VRK2: variants seen among roughly 807,000 people sequenced by gnomAD.
VRK2 encodes the protein serine/threonine-protein kinase VRK2.
A neutral mutation model predicts 57.6 loss-of-function variants in VRK2; 60 were observed. The observed-to-expected ratio is 1.04, with a 90% confidence interval of 0.85 to 1.29. VRK2 has a LOEUF of 1.29. Among genes scored for constraint, VRK2 ranks in the 50% most tolerant of loss-of-function variants. The probability of loss-of-function intolerance (pLI) is 0.00; values close to 1 mark genes in which losing one functional copy is unlikely to be tolerated. For missense variants in VRK2, 705 were observed against 588.1 expected, an observed-to-expected ratio of 1.20 and a Z score of -2.06; for synonymous variants, 231 against 199.2, an observed-to-expected ratio of 1.16 and a Z score of -1.35.
chr2:57,921,383 C>T (rs1307473674), intron 1 of VRK2, among the ~76,000 whole-genome samples: 2 of 151,850 alleles, frequency 1.3e-5, no homozygotes, highest in African/African-American at 4.8e-5. Flanking sequence ...CCCACCCTTG[C>T]AAAATGTATA....
upstream of VRK2, chr2:58,046,566 C>T: frequency 1.0e-6 from 1 of 985,600 alleles, no homozygotes; most frequent in Non-Finnish European, 1.2e-6. Context: ...CGCTGGCGGG[C>T]CAGGGTGGAG....
chr2:58,133,719 T>C (rs1282275367), intron 9 of VRK2, among the ~76,000 whole-genome samples: 1 of 152,174 alleles, frequency 6.6e-6, no homozygotes, highest in Admixed American at 6.5e-5. Context: ...GTGTTGCAGA[T>C]TTCAGATATT....
intron 1 of VRK2, among the ~76,000 whole-genome samples, chr2:57,934,155 G>C (rs1351048345): frequency 6.6e-6 from 1 of 152,012 alleles, no homozygotes; most frequent in African/African-American, 2.4e-5. Context: ...CATTATACTA[G>C]AGTTGGAATT....
chr2:58,041,642 CT>C (rs1246874409), upstream of VRK2, among the ~76,000 whole-genome samples: 1 of 152,188 alleles, frequency 6.6e-6, no homozygotes, highest in African/African-American at 2.4e-5. Flanking sequence ...TGGAAAAAAT[CT>C]ACATTCTGTA....
At chr2:58,137,182 C>CATATATATATATATATATCAT in intron 10 of VRK2, among the ~76,000 whole-genome samples, 9 of 35,106 alleles carry the variant, frequency 2.6e-4, no homozygotes, top group African/African-American at 1.3e-3. Flanking sequence ...TCATATATAT[C>CATATATATATATATATATCAT]ATATATGATA....
At position 58,084,766 on chromosome 2, in the gene VRK2, G is replaced by A. The variant is rs556030689; in HGVS notation, c.187-115G>A. On this transcript the variant is annotated intron_variant, in intron 3 of 12. Transcript: ENST00000340157. The stretch of plus-strand genomic sequence containing the variant: ...CTGGTGCCTATGTTTTATAAAAAGT[G>A]ATTCAAGTACTATTATATACTACAT... 69 of 607,988 alleles carry A rather than the reference G, an allele frequency of 1.1e-4. 1 individual carries two copies. The African/African-American group carries it at 1.2e-3, about 10-fold the overall frequency. 37.7% of individuals were successfully genotyped at this position (607,988 alleles called of 1,614,324 possible). A position where few individuals can be genotyped will look rare whatever the true frequency, so the allele number is the denominator to read the frequency against.
chr2:58,061,905 G>A (rs1374205472), intron 2 of VRK2, among the ~76,000 whole-genome samples: 1 of 152,014 alleles, frequency 6.6e-6, no homozygotes, highest in Non-Finnish European at 1.5e-5. Context: ...CTGGTCTCCT[G>A]TCCCATGTTT....
intron 1 of VRK2, among the ~76,000 whole-genome samples, chr2:57,959,904 G>A (rs1390676590): frequency 6.6e-6 from 1 of 152,030 alleles, no homozygotes; most frequent in Non-Finnish European, 1.5e-5. Flanking sequence ...AGCCTTAGAG[G>A]GGGGTTTGTT....
At chr2:58,093,348 T>C (rs1672644967) in intron 7 of VRK2, among the ~76,000 whole-genome samples, 2 of 152,288 alleles carry the variant, frequency 1.3e-5, no homozygotes, top group Non-Finnish European at 1.5e-5. Flanking sequence ...TTTTTAATGA[T>C]TGCCATTCTA....
intron 1 of VRK2, among the ~76,000 whole-genome samples, chr2:57,985,730 A>C (rs1383164334): frequency 6.6e-6 from 1 of 152,118 alleles, no homozygotes; most frequent in Non-Finnish European, 1.5e-5. Flanking sequence ...AACAAAAAGA[A>C]ATAAAAGGCA....
At chr2:58,140,241 G>C (rs1455746789) in intron 11 of VRK2, among the ~76,000 whole-genome samples, 2 of 151,952 alleles carry the variant, frequency 1.3e-5, no homozygotes, top group African/African-American at 4.8e-5. Flanking sequence ...TGTATGTGCT[G>C]ATATTTCAAT....
intron 7 of VRK2, among the ~76,000 whole-genome samples, chr2:58,114,615 T>C (rs1213514638): frequency 0.016 from 2,444 of 151,330 alleles, 34 homozygotes; most frequent in African/African-American, 0.057. Flanking sequence ...CTGAGCTTGG[T>C]GAGGTGTGTT....
chr2:58,045,924 A>G (rs182344877), upstream of VRK2, among the ~76,000 whole-genome samples: 2 of 152,174 alleles, frequency 1.3e-5, no homozygotes, highest in Non-Finnish European at 2.9e-5. Context: ...GCTCACTGCA[A>G]TCTCTGCTTC....
At chr2:58,092,556 A>G (rs1672527454) in intron 7 of VRK2, among the ~76,000 whole-genome samples, 1 of 152,224 alleles carries the variant, frequency 6.6e-6, no homozygotes, top group Admixed American at 6.5e-5. Flanking sequence ...TTTCTGGGTC[A>G]TATGAAAGTG....
At chr2:57,952,687 A>C (rs936628745) in intron 1 of VRK2, among the ~76,000 whole-genome samples, 2 of 152,138 alleles carry the variant, frequency 1.3e-5, no homozygotes, top group African/African-American at 4.8e-5. Flanking sequence ...TTGCCTCTCA[A>C]AATAACCTAA....
intron 1 of VRK2, among the ~76,000 whole-genome samples, chr2:58,019,723 A>G (rs1426024259): frequency 6.6e-6 from 1 of 152,246 alleles, no homozygotes; most frequent in Non-Finnish European, 1.5e-5. Flanking sequence ...AGAGCATCTA[A>G]CTACTTCTCA....
At chr2:58,059,153 G>A (rs1295985405) in intron 2 of VRK2, among the ~76,000 whole-genome samples, 1 of 151,914 alleles carries the variant, frequency 6.6e-6, no homozygotes, top group African/African-American at 2.4e-5. Context: ...GATATTTATA[G>A]TAAACCTAAT....
chr2:57,955,611 A>T (rs1011612357), intron 1 of VRK2, among the ~76,000 whole-genome samples: 2 of 152,204 alleles, frequency 1.3e-5, no homozygotes, highest in African/African-American at 4.8e-5. Context: ...ACTACAAATT[A>T]TCAAAAAACA....
chr2:58,058,950 T>C (rs2103873047), intron 2 of VRK2, among the ~76,000 whole-genome samples: 1 of 152,074 alleles, frequency 6.6e-6, no homozygotes, highest in East Asian at 1.9e-4. Flanking sequence ...TAGTGACAAG[T>C]GGCATGCTTA....
Sources: gnomAD v4.1 joint callset for allele counts (sites outside exome capture counted in the v4.1 genomes callset) on GRCh38, gnomAD v4.1.1 for gene constraint, MANE v1.5 for transcripts, NCBI Gene and HGNC (gene_info 2026-07-23, HGNC 2026-07-21) for gene names.